KCNH5: variants seen among roughly 807,000 people sequenced by gnomAD.
KCNH5 encodes the protein potassium voltage-gated channel subfamily H member 5, also known as voltage-gated delayed rectifier potassium channel KCNH5.
Under a neutral mutation model 96.1 loss-of-function variants are expected in KCNH5, and 46 were observed. The observed-to-expected ratio is 0.48, with a 90% CI of 0.38 to 0.61. KCNH5 has a LOEUF of 0.61. Ranked by LOEUF, KCNH5 falls within the 20% of genes least tolerant of loss-of-function variation. The pLI is 0.00. For missense variants in KCNH5, 907 were observed against 1,225.8 expected (o/e 0.74, Z 3.88); for synonymous variants, 439 against 449.8 (o/e 0.98, Z 0.30).
At chr14:62,747,222 C>CA (rs1402323541) in intron 10 of KCNH5, among the ~76,000 whole-genome samples, 1 of 152,102 alleles carries the variant, frequency 6.6e-6, no homozygotes, top group African/African-American at 2.4e-5. Flanking sequence ...GTAATCCCAG[C>CA]TACTCAGGAG....
At chr14:62,998,588 T>C (rs1890953438) in intron 4 of KCNH5, among the ~76,000 whole-genome samples, 3 of 152,198 alleles carry the variant, frequency 2.0e-5, no homozygotes, top group Admixed American at 6.5e-5. Context: ...ATATATGCAT[T>C]TAATGTTACA....
intron 10 of KCNH5, among the ~76,000 whole-genome samples, chr14:62,723,885 G>T (rs1467686572): frequency 6.6e-6 from 1 of 152,160 alleles, no homozygotes; most frequent in Non-Finnish European, 1.5e-5. Flanking sequence ...TGAGAATGGG[G>T]TCTCTAAGTA....
At chr14:62,713,053 G>A (rs2355062) in intron 10 of KCNH5, among the ~76,000 whole-genome samples, 16,174 of 152,194 alleles carry the variant, frequency 0.11, 1,057 homozygotes, top group East Asian at 0.32. Flanking sequence ...TTGTTTACGA[G>A]AATAGGGATT....
Position 62,950,151 on chromosome 14 carries a change from C to T in KCNH5, c.1351G>A (p.Ala451Thr). The T allele has an allele frequency of 6.2e-7, 1 of 1,613,804 alleles. No homozygotes were observed. Among genetic ancestry groups the T allele is most frequent in the Non-Finnish European group, 8.5e-7 (1 of 1,179,864 alleles). ...TTDVEKMFSV[A>T]MMMVGSLLYA... is the part of the protein sequence containing the mutation. ...TACTTACAGCCAACCATCATCATAG[C>T]CACCGAAAACATCTTCTCCACATCT... Residue 451 changes from alanine (A) to threonine (T), a missense_variant, in exon 7 of 11, where the codon GCT (alanine) becomes ACT (threonine). Physicochemically the swap from Ala to Thr is moderately conservative, Grantham distance 58. Transcript: ENST00000322893.
intron 7 of KCNH5, among the ~76,000 whole-genome samples, chr14:62,936,498 A>T (rs938974772): frequency 2.6e-5 from 4 of 151,280 alleles, no homozygotes; most frequent in African/African-American, 9.7e-5. Flanking sequence ...AACATGGTGA[A>T]CCCTGTCTTT....
rs1422535925 is a variant in KCNH5 at position 63,029,181 on chromosome 14, C to T, written c.74-12227G>A. ...GTAGTTGAGTAAAGCAGACATGGTG[C>T]TAAGTCTACTTTATATGAGATGTTA... On this transcript the variant is annotated intron_variant, in intron 1 of 10. Coordinates refer to ENST00000322893, the MANE Select transcript of KCNH5 (RefSeq NM_139318.5). 4.6e-5 allele frequency among the ~76,000 whole-genome samples: 7 copies of T among 152,122 alleles called. No homozygotes were observed. In the East Asian group the frequency reaches 1.2e-3, roughly 25 times the overall value.
intron 7 of KCNH5, among the ~76,000 whole-genome samples, chr14:62,920,375 G>A (rs1889357254): frequency 6.6e-6 from 1 of 152,152 alleles, no homozygotes; most frequent in African/African-American, 2.4e-5. Context: ...AAAAAAATGG[G>A]AAAAATGAAC....
chr14:62,909,754 C>T (rs537401722), intron 7 of KCNH5, among the ~76,000 whole-genome samples: 84 of 152,074 alleles, frequency 5.5e-4, no homozygotes, highest in African/African-American at 1.8e-3. Context: ...AGAGTGAGCC[C>T]GCAGAGGCAC....
At chr14:62,719,277 C>T (rs970519500) in intron 10 of KCNH5, among the ~76,000 whole-genome samples, 1 of 152,162 alleles carries the variant, frequency 6.6e-6, no homozygotes, top group Admixed American at 6.5e-5. Flanking sequence ...ATGGCAAAAA[C>T]AGAACATTAC....
intron 10 of KCNH5, among the ~76,000 whole-genome samples, chr14:62,723,776 ATTCT>A: frequency 6.6e-6 from 1 of 152,342 alleles, no homozygotes; most frequent in African/African-American, 2.4e-5. Context: ...AAGGTAAATC[ATTCT>A]TTATTTTATC....
At position 63,027,989 on chromosome 14, in the gene KCNH5, C is replaced by T. The variant is rs144836800; in HGVS notation, c.74-11035G>A. Among the ~76,000 whole-genome samples, 47 of 152,178 alleles carry T rather than the reference C, an allele frequency of 3.1e-4. 1 individual carries two copies. In the East Asian group the frequency reaches 8.7e-3, roughly 28 times the overall value. Reference sequence around the variant, plus strand: ...ATGAGAGGTACTCTACAATTTCTAACCTATTTCAATTTTGGCTGCATTAAT... The same window carrying T: ...ATGAGAGGTACTCTACAATTTCTAATCTATTTCAATTTTGGCTGCATTAAT... On this transcript the variant is annotated intron_variant, in intron 1 of 10. Coordinates refer to ENST00000322893, the MANE Select transcript of KCNH5 (RefSeq NM_139318.5).
chr14:62,725,582 G>T (rs1884908665), intron 10 of KCNH5, among the ~76,000 whole-genome samples: 1 of 152,152 alleles, frequency 6.6e-6, no homozygotes, highest in South Asian at 2.1e-4. Flanking sequence ...TATCAGAGTG[G>T]AAGGAGGGAC....
intron 7 of KCNH5, among the ~76,000 whole-genome samples, chr14:62,911,336 T>C (rs1889149717): frequency 6.7e-6 from 1 of 150,266 alleles, no homozygotes. Flanking sequence ...TGGAGTGCAG[T>C]GGCGCAATCT....
At chr14:62,738,675 A>T (rs1395862994) in intron 10 of KCNH5, among the ~76,000 whole-genome samples, 3 of 152,118 alleles carry the variant, frequency 2.0e-5, no homozygotes, top group Non-Finnish European at 4.4e-5. Flanking sequence ...TCTGATATCA[A>T]CTCGATATTC....
rs80287160 is a variant in KCNH5 at position 63,017,050 on chromosome 14, C to T, written c.74-96G>A. The T allele has an allele frequency of 8.7e-5, 102 of 1,173,616 alleles. No homozygotes were observed. In the African/African-American group the frequency reaches 1.4e-3, roughly 17 times the overall value. The allele number at this position is 1,173,616 out of a possible 1,614,324, so 72.7% of individuals were successfully genotyped here. On this transcript the variant is annotated intron_variant, in intron 1 of 10. Transcript: ENST00000322893. ...AAAGGCAAACTTATAAAGATGGACA[C>T]ATACAACTATGGTTTGTAATTGTAC...
At chr14:63,033,738 A>C (rs1891671579) in intron 1 of KCNH5, among the ~76,000 whole-genome samples, 1 of 152,094 alleles carries the variant, frequency 6.6e-6, no homozygotes, top group South Asian at 2.1e-4. Flanking sequence ...GTTATAAAGC[A>C]ATTCTTAGAC....
chr14:62,790,756 T>C (rs1166027164), intron 9 of KCNH5, among the ~76,000 whole-genome samples: 1 of 151,760 alleles, frequency 6.6e-6, no homozygotes, highest in African/African-American at 2.4e-5. Context: ...GATTTTTTTC[T>C]TGATTTCTTT....
intron 4 of KCNH5, among the ~76,000 whole-genome samples, chr14:62,999,363 G>A (rs76895358): frequency 0.047 from 7,199 of 152,024 alleles, 196 homozygotes; most frequent in East Asian, 0.065. Flanking sequence ...CATATCCTTC[G>A]CCCACTTTTT....
At chr14:63,021,181 G>A (rs1891419593) in intron 1 of KCNH5, among the ~76,000 whole-genome samples, 1 of 151,980 alleles carries the variant, frequency 6.6e-6, no homozygotes, top group Non-Finnish European at 1.5e-5. Flanking sequence ...TCATTCCAAT[G>A]TTCAGTCTTG....
Sources: gnomAD v4.1 joint callset for allele counts (sites outside exome capture counted in the v4.1 genomes callset) on GRCh38, gnomAD v4.1.1 for gene constraint, MANE v1.5 for transcripts, NCBI Gene and HGNC (gene_info 2026-07-23, HGNC 2026-07-21) for gene names.